The following MTUS2 variants were observed in gnomAD, a reference collection of about 807,000 sequenced individuals.
MTUS2 encodes the protein microtubule-associated tumor suppressor candidate 2.
A neutral mutation model predicts 114.1 loss-of-function variants in MTUS2; 40 were observed. The ratio of observed to expected loss-of-function variants is 0.35; its 90% confidence interval spans 0.27 to 0.46. MTUS2 has a LOEUF of 0.46. MTUS2 is among the 20% of genes least tolerant of loss of function. The pLI is 1.00. For synonymous variants in MTUS2, 688 were observed against 672.0 expected (o/e 1.02, Z -0.37); for missense variants, 1,679 against 1,705.4 (o/e 0.98, Z 0.27).
intron 5 of MTUS2, among the ~76,000 whole-genome samples, chr13:29,150,919 C>T (rs1240008598): frequency 6.6e-6 from 1 of 152,210 alleles, no homozygotes; most frequent in Admixed American, 6.5e-5. Context: ...GTTTTCATAC[C>T]AGAATCATGC....
At chr13:29,174,270 C>T (rs964832375) in intron 5 of MTUS2, among the ~76,000 whole-genome samples, 1 of 152,096 alleles carries the variant, frequency 6.6e-6, no homozygotes, top group Non-Finnish European at 1.5e-5. Context: ...TTCTCTTTAC[C>T]TCTGAGATGA....
chr13:29,224,489 G>A (rs1368662975), intron 5 of MTUS2, among the ~76,000 whole-genome samples: 1 of 151,664 alleles, frequency 6.6e-6, no homozygotes, highest in Non-Finnish European at 1.5e-5. Flanking sequence ...TATTTAAATG[G>A]CCAAATCTTT....
intron 7 of MTUS2, among the ~76,000 whole-genome samples, chr13:29,358,676 G>C (rs1281828871): frequency 1.3e-5 from 2 of 152,162 alleles, no homozygotes; most frequent in Admixed American, 6.5e-5. Context: ...GAGGCGTCAA[G>C]TCACATTGGA....
At chr13:29,138,773 A>C (rs893538193) in intron 5 of MTUS2, among the ~76,000 whole-genome samples, 2 of 152,042 alleles carry the variant, frequency 1.3e-5, no homozygotes, top group Non-Finnish European at 1.5e-5. Context: ...TCCAAAGTCA[A>C]CATAAAGCCA....
chr13:29,001,677 C>T (rs1387677699), intron 2 of MTUS2, among the ~76,000 whole-genome samples: 1 of 152,166 alleles, frequency 6.6e-6, no homozygotes, highest in Non-Finnish European at 1.5e-5. Context: ...GTCCATATCC[C>T]AGTCCCTGGA....
intron 8 of MTUS2, among the ~76,000 whole-genome samples, chr13:29,421,045 A>T (rs1304269180): frequency 6.6e-6 from 1 of 152,116 alleles, no homozygotes; most frequent in East Asian, 1.9e-4. Context: ...CACATATGCC[A>T]TTTCTCTCTT....
At chr13:28,957,560 T>C (rs191639922) in intron 2 of MTUS2, among the ~76,000 whole-genome samples, 1 of 152,328 alleles carries the variant, frequency 6.6e-6, no homozygotes, top group Non-Finnish European at 1.5e-5. Flanking sequence ...GCATTTACAT[T>C]GTGTTGGGTA....
rs543782972 is a variant in MTUS2, at chr13:29,358,267, G to T, written c.2906-995G>T. Among the ~76,000 whole-genome samples, 4 of 152,290 alleles carry T rather than the reference G, an allele frequency of 2.6e-5. No individual in the cohort carries two copies. The South Asian group carries it at 8.3e-4, about 32-fold the overall frequency. On this transcript the variant is annotated intron_variant, in intron 7 of 15. Transcript: ENST00000612955. ...CAGAGGAAGACGCCTGCCCATGCAC[G>T]GGTCTTGGACTGTGGTGGAGTGCTT...
At chr13:29,173,448 A>G (rs1893643925) in intron 5 of MTUS2, among the ~76,000 whole-genome samples, 1 of 152,200 alleles carries the variant, frequency 6.6e-6, no homozygotes, top group Non-Finnish European at 1.5e-5. Context: ...ATATTTTAGA[A>G]TTGGTTTACC....
intron 5 of MTUS2, among the ~76,000 whole-genome samples, chr13:29,138,438 A>T (rs1593518134): frequency 1.3e-5 from 2 of 148,358 alleles, no homozygotes; most frequent in African/African-American, 4.9e-5. Context: ...TATAAATATT[A>T]TACATTATTT....
intron 7 of MTUS2, among the ~76,000 whole-genome samples, chr13:29,335,860 A>T (rs527454656): frequency 1.5e-4 from 23 of 152,022 alleles, no homozygotes; most frequent in South Asian, 4.2e-4. Context: ...GTAGTCCCAT[A>T]TTTCTTGGCA....
In MTUS2 at chr13:29,326,327, G is replaced by A. The variant is rs116350655; in HGVS notation, c.2905+1616G>A. On this transcript the variant is annotated intron_variant, in intron 7 of 15. Coordinates refer to ENST00000612955, the MANE Select transcript of MTUS2 (RefSeq NM_001033602.4). ...ATGCTGCAGTGCTTATGGCTACTTA[G>A]TCGACTAAGATGTGAAATCACACAC... Among the ~76,000 whole-genome samples the A allele has an allele frequency of 4.6e-3, 704 of 152,230 alleles. 6 individuals carry two copies. Among genetic ancestry groups the A allele is most frequent in the African/African-American group, 0.016 (658 of 41,522 alleles).
intron 1 of MTUS2, among the ~76,000 whole-genome samples, chr13:28,822,983 G>A (rs1874012356): frequency 6.6e-6 from 1 of 152,328 alleles, no homozygotes; most frequent in Non-Finnish European, 1.5e-5. Flanking sequence ...CCTCGTGATC[G>A]CACACACATG....
intron 2 of MTUS2, among the ~76,000 whole-genome samples, chr13:28,868,339 A>G (rs912026224): frequency 1.3e-5 from 2 of 152,178 alleles, no homozygotes; most frequent in African/African-American, 4.8e-5. Flanking sequence ...AGTTATCAGA[A>G]GTATCATAGT....
At chr13:29,499,227 G>A (rs565833289) in intron 14 of MTUS2, among the ~76,000 whole-genome samples, 49 of 152,196 alleles carry the variant, frequency 3.2e-4, no homozygotes, top group African/African-American at 1.2e-3. Context: ...CACCAGCCTG[G>A]CTCCTGCAGA....
chr13:28,936,561 A>G (rs1881911013), intron 2 of MTUS2, among the ~76,000 whole-genome samples: 1 of 152,012 alleles, frequency 6.6e-6, no homozygotes, highest in Admixed American at 6.6e-5. Context: ...GGGGAAGAAC[A>G]TGGAGTGCCT....
chr13:29,109,982 G>T (rs1365258767), intron 5 of MTUS2, among the ~76,000 whole-genome samples: 1 of 152,218 alleles, frequency 6.6e-6, no homozygotes, highest in Non-Finnish European at 1.5e-5. Context: ...AGTGGAGGTT[G>T]ATCATTTGAT....
chr13:28,972,826 T>G (rs915361531), intron 2 of MTUS2, among the ~76,000 whole-genome samples: 3 of 152,214 alleles, frequency 2.0e-5, no homozygotes, highest in African/African-American at 7.2e-5. Context: ...CATCCACTTC[T>G]AAGAGATGCT....
chr13:29,126,782 A>G (rs971831998), intron 5 of MTUS2, among the ~76,000 whole-genome samples: 8 of 152,220 alleles, frequency 5.3e-5, no homozygotes, highest in Admixed American at 3.3e-4. Context: ...TAGAATGCCT[A>G]TGTTGGGGTC....
Sources: allele counts gnomAD v4.1 joint callset (sites outside exome capture counted in the v4.1 genomes callset), GRCh38; gene constraint gnomAD v4.1.1; transcripts MANE v1.5; gene names NCBI Gene and HGNC (gene_info 2026-07-23, HGNC 2026-07-21).